The following SZT2 variants were observed in gnomAD, a reference collection of about 807,000 sequenced individuals.
The protein encoded by SZT2 is SZT2 subunit of KICSTOR complex.
SZT2 carries 216 observed loss-of-function variants against 404.2 expected under a neutral mutation model. The observed-to-expected ratio is 0.53, with a 90% CI of 0.48 to 0.60. The LOEUF is 0.60. SZT2 is among the 20% of genes least tolerant of loss of function. The pLI is 0.00. For synonymous variants in SZT2, 1,693 were observed against 1,749.9 expected, an observed-to-expected ratio of 0.97 and a Z score of 0.81; for missense variants, 3,857 against 4,459.2, an observed-to-expected ratio of 0.86 and a Z score of 3.85.
At chr1:43,417,407 G>A (rs778914492) in intron 7 of SZT2, among the ~76,000 whole-genome samples, 1 of 152,210 alleles carries the variant, frequency 6.6e-6, no homozygotes, top group Non-Finnish European at 1.5e-5. Flanking sequence ...CTGGGTAGCA[G>A]CAGAGCAAAA....
chr1:43,450,591 ACT>A lies in SZT2; in HGVS notation c.*112_*113del. 1 of 1,454,166 alleles carries A rather than the reference ACT, an allele frequency of 6.9e-7. No individual in the cohort carries two copies. The highest frequency in any genetic ancestry group is 1.3e-5 in the South Asian group (1 of 79,842). The allele number at this position is 1,454,166 out of a possible 1,614,324, so 90.1% of individuals were successfully genotyped here. A position where few individuals can be genotyped will look rare whatever the true frequency, so the allele number is the denominator to read the frequency against. Reference sequence around the variant, plus strand: ...TTCTGGGCCCCAGGGCAAGCCAGACACTGAGTGACACCAAAGGCTTTGTAACT... The same window carrying A: ...TTCTGGGCCCCAGGGCAAGCCAGACAGAGTGACACCAAAGGCTTTGTAACT... On this transcript the variant is annotated 3_prime_UTR_variant, in exon 72 of 72. Coordinates refer to ENST00000634258, the MANE Select transcript of SZT2 (RefSeq NM_001365999.1). The surrounding 1 kb of genome is among the most constrained non-coding windows in gnomAD (Gnocchi z 4.3).
At chr1:43,445,346 A>AG (rs1655541192) in intron 62 of SZT2, 1 of 153,092 alleles carries the variant, frequency 6.5e-6, no homozygotes, top group Non-Finnish European at 1.5e-5. Flanking sequence ...GAATTCTGGC[A>AG]GTTTATAGCC....
chr1:43,440,197 C>A, intron 51 of SZT2, 149 bp downstream of exon 51: 2 of 1,244,862 alleles, frequency 1.6e-6, no homozygotes, highest in Non-Finnish European at 2.2e-6. Context: ...TGTCCGTGAG[C>A]TTGTCTGGGC....
At position 43,452,538 on chromosome 1, in the gene SZT2, T is replaced by C; in HGVS notation, c.*2058T>C. 3.1e-6 allele frequency: 2 copies of C among 654,796 alleles called. No homozygotes were observed. The highest frequency in any genetic ancestry group is 2.8e-6 in the Non-Finnish European group (1 of 356,778). The allele number at this position is 654,796 out of a possible 1,614,324, so 40.6% of individuals were successfully genotyped here. Reference sequence around the variant, plus strand: ...ATCTCAGTGTCCACCCACCGCCTCCTGCCTCCAGTACTTTCCAAAACCTTT... The same window carrying C: ...ATCTCAGTGTCCACCCACCGCCTCCCGCCTCCAGTACTTTCCAAAACCTTT... On this transcript the variant is annotated 3_prime_UTR_variant, in exon 72 of 72. Transcript: ENST00000634258.
Position 43,424,796 on chromosome 1 carries a change from T to G in SZT2, c.2484T>G (p.Ser828=). The G allele has an allele frequency of 1.2e-6, 2 of 1,614,108 alleles. No individual in the cohort carries two copies. The highest frequency in any genetic ancestry group is 8.5e-7 in the Non-Finnish European group (1 of 1,179,946). Residue 828 remains serine (S), a synonymous_variant, in exon 17 of 72, where the codon TCT becomes TCG. Transcript: ENST00000634258. The surrounding 1 kb of genome is among the most constrained non-coding windows in gnomAD (Gnocchi z 4.1). ...TATGGGGCTTCAGAGTCCGACTTTCTGAAGGATTCCACTTCGCCTGCAGTG... is the reference window on the plus strand; with the variant it reads ...TATGGGGCTTCAGAGTCCGACTTTCGGAAGGATTCCACTTCGCCTGCAGTG... ...LLSILTEVRL[S]EGFHFACSGE...
intron 14 of SZT2, 35 bp from the exon 15 acceptor site, chr1:43,423,063 TG>T: frequency 6.5e-7 from 1 of 1,550,330 alleles, no homozygotes; most frequent in Non-Finnish European, 8.7e-7. Flanking sequence ...CTGTAGGAGA[TG>T]GGAGTAAGAG....
At position 43,394,404 on chromosome 1, in the gene SZT2, C is replaced by T. The variant is rs936955081; in HGVS notation, c.27+4409C>T. On this transcript the variant is annotated intron_variant, in intron 1 of 71. Coordinates refer to ENST00000634258, the MANE Select transcript of SZT2 (RefSeq NM_001365999.1). ...CCCATCAACTCTTAATTCAGTTGGT[C>T]TGGGGTGGTGCCTGGGACTCAACGC... Among the ~76,000 whole-genome samples, 3 of 152,072 alleles carry T rather than the reference C, an allele frequency of 2.0e-5. No homozygotes were observed. The South Asian group carries it at 6.2e-4, about 32-fold the overall frequency.
At chr1:43,404,257 C>G in intron 3 of SZT2, 123 bp from the exon 4 acceptor site, 1 of 788,632 alleles carries the variant, frequency 1.3e-6, no homozygotes, top group Non-Finnish European at 2.0e-6. Context: ...ATGTGTGGCA[C>G]TGTATTTGGG....
rs1570619467 is a variant in SZT2 at position 43,420,018 on chromosome 1, G to C, written c.1090+74G>C. 1 of 1,574,742 alleles carries C rather than the reference G, an allele frequency of 6.4e-7. No homozygotes were observed. The highest frequency in any genetic ancestry group is 2.2e-5 in the East Asian group (1 of 44,662). On this transcript the variant is annotated intron_variant, in intron 8 of 71. Transcript: ENST00000634258. This position sits in a 1 kb window ranked among gnomAD's most constrained non-coding sequence, Gnocchi z 5.1. Reference sequence around the variant, plus strand: ...GCCCAGAGATGATGGGGCCCTGGAGGACTGAAAGTGTAACTGGGGCTGGCT... The same window carrying C: ...GCCCAGAGATGATGGGGCCCTGGAGCACTGAAAGTGTAACTGGGGCTGGCT...
In SZT2 at chr1:43,422,869, C is replaced by T. The variant is rs1262717279; in HGVS notation, c.2023C>T (p.Pro675Ser). The T allele has an allele frequency of 3.2e-6, 5 of 1,587,024 alleles. No homozygotes were observed. Among genetic ancestry groups the T allele is most frequent in the Non-Finnish European group, 3.4e-6 (4 of 1,174,424 alleles). The part of the protein sequence containing the change: ...RLGFPIGTPA[P>S]ARHKIVSGLR... ...GGGTTTTCCCATTGGCACACCAGCA[C>T]CGGCCCGGCACAAGGTAAGCTGGGC... Residue 675 changes from proline (P) to serine (S), a missense_variant, in exon 14 of 72, where the codon CCG (proline) becomes TCG (serine). Transcript: ENST00000634258.
In SZT2 at chr1:43,453,168, A is replaced by G. The variant is rs931822014; in HGVS notation, c.*2688A>G. 6.1e-6 allele frequency: 4 copies of G among 654,188 alleles called. No individual in the cohort carries two copies. The highest frequency in any genetic ancestry group is 2.7e-5 in the East Asian group (1 of 36,578). 40.5% of individuals were successfully genotyped at this position (654,188 alleles called of 1,614,324 possible). A position where few individuals can be genotyped will look rare whatever the true frequency, so the allele number is the denominator to read the frequency against. On this transcript the variant is annotated 3_prime_UTR_variant, in exon 72 of 72. Transcript: ENST00000634258. Reference sequence around the variant, plus strand: ...TGCCTAGGCAGACTGAGCTCCCAGCATGGGATCCCAGCATGGGGTGAGCAT... The same window carrying G: ...TGCCTAGGCAGACTGAGCTCCCAGCGTGGGATCCCAGCATGGGGTGAGCAT...
intron 70 of SZT2, 111 bp from the exon 71 acceptor site, chr1:43,449,992 C>T (rs1388321420): frequency 1.4e-5 from 18 of 1,284,324 alleles, no homozygotes; most frequent in Admixed American, 5.3e-5. Flanking sequence ...AGGGTGCAGG[C>T]GGGGTGAGGT....
intron 1 of SZT2, among the ~76,000 whole-genome samples, chr1:43,392,325 A>G (rs1471666497): frequency 1.3e-5 from 2 of 151,976 alleles, no homozygotes; most frequent in African/African-American, 4.8e-5. Flanking sequence ...GTAGCCCCAT[A>G]TAGTAGTCTT....
chr1:43,419,624 CTG>C (rs1652102901), intron 7 of SZT2, 108 bp from the exon 8 acceptor site: 2 of 854,364 alleles, frequency 2.3e-6, no homozygotes. Context: ...ACTTCCCACT[CTG>C]TGGTCCAGGG....
chr1:43,432,305 C>A lies in SZT2; in HGVS notation c.5308C>A (p.Leu1770Ile), dbSNP rs1452165027. 1 of 1,586,472 alleles carries A rather than the reference C, an allele frequency of 6.3e-7. No homozygotes were observed. The highest frequency in any genetic ancestry group is 8.6e-7 in the Non-Finnish European group (1 of 1,168,460). The change falls in exon 37 of 72, where the codon CTT (leucine) becomes ATT (isoleucine). Residue 1770 changes from leucine to isoleucine, a missense_variant. Physicochemically the swap from Leu to Ile is conservative, Grantham distance 5 (BLOSUM62 2). This residue lies in a region of SZT2 where 1,725 missense variants were observed against 1,881.0 expected (regional missense o/e 0.92). Transcript: ENST00000634258. ...CCGCCTCCATCTCCCTGGCCATGTT[C>A]TTCTTGAAGACCCTGACAGTGGCTT... ...FRRLHLPGHV[L>I]LEDPDSGFFF...
chr1:43,431,957 C>T, intron 36 of SZT2, 56 bp downstream of exon 36: 11 of 1,597,864 alleles, frequency 6.9e-6, no homozygotes, highest in Non-Finnish European at 9.4e-6. Context: ...TTCCCTGGGC[C>T]CCAGGCACAG....
rs1183559956 is a variant in SZT2 at position 43,452,082 on chromosome 1, T to A, written c.*1602T>A. ...TTGTCCCCCATCAGTCAGTCACTGG[T>A]CAAGGCCCTCACCTGTTCCTCTGAC... On this transcript the variant is annotated 3_prime_UTR_variant, in exon 72 of 72. Coordinates refer to ENST00000634258, the MANE Select transcript of SZT2 (RefSeq NM_001365999.1). 1 of 1,535,342 alleles carries A rather than the reference T, an allele frequency of 6.5e-7. No homozygotes were observed. The highest frequency in any genetic ancestry group is 1.7e-4 in the Middle Eastern group (1 of 5,852).
At position 43,427,490 on chromosome 1, in the gene SZT2, A is replaced by G. The variant is rs750074131; in HGVS notation, c.3599-40A>G. ...GTGGGCAGGAGTGGGAGTGGGAAAC[A>G]GATAGAGCTGGAAGACCACGTGACA... is the stretch of plus-strand genomic sequence containing the variant. On this transcript the variant is annotated intron_variant, in intron 25 of 71. Coordinates refer to ENST00000634258, the MANE Select transcript of SZT2 (RefSeq NM_001365999.1). 1.9e-6 allele frequency: 3 copies of G among 1,613,310 alleles called. No individual in the cohort carries two copies. In the South Asian group the frequency reaches 3.3e-5, roughly 18 times the overall value.
At chr1:43,417,136 G>A (rs755917751) in intron 7 of SZT2, among the ~76,000 whole-genome samples, 5 of 152,238 alleles carry the variant, frequency 3.3e-5, no homozygotes, top group African/African-American at 9.6e-5. Flanking sequence ...GATTCTGTGG[G>A]TGATGCAGAT....
Sources: gnomAD v4.1 joint callset for allele counts (sites outside exome capture counted in the v4.1 genomes callset) on GRCh38, gnomAD v4.1.1 for gene constraint, gnomAD v4.1.1 regional missense constraint, Gnocchi (gnomAD v3.1) non-coding constraint, MANE v1.5 for transcripts, NCBI Gene and HGNC (gene_info 2026-07-23, HGNC 2026-07-21) for gene names.